Variants in TMOD1 observed in about 807,000 individuals in gnomAD.
TMOD1 encodes the protein tropomodulin-1.
A neutral mutation model predicts 40.6 loss-of-function variants in TMOD1; 17 were observed. The observed-to-expected ratio is 0.42, with a 90% CI of 0.29 to 0.63. The LOEUF (loss-of-function observed/expected upper bound fraction) is 0.63, where lower values mean the gene tolerates loss of function less well. Among genes scored for constraint, TMOD1 ranks in the 20% least tolerant of loss-of-function variants. TMOD1 has a pLI of 0.22. For missense variants in TMOD1, 391 were observed against 447.6 expected, an observed-to-expected ratio of 0.87 and a Z score of 1.14; for synonymous variants, 181 against 175.0, an observed-to-expected ratio of 1.03 and a Z score of -0.27.
intron 8 of TMOD1, among the ~76,000 whole-genome samples, chr9:97,580,012 A>T (rs1825708496): frequency 6.6e-6 from 1 of 152,184 alleles, no homozygotes; most frequent in Non-Finnish European, 1.5e-5. Context: ...TGCCAGAGAT[A>T]AACAGGCCGA....
chr9:97,588,989 C>T (rs149751715), intron 8 of TMOD1, among the ~76,000 whole-genome samples: 2,133 of 151,396 alleles, frequency 0.014, 103 homozygotes, highest in East Asian at 0.13. Context: ...TGGTGGCATG[C>T]GCCTGTAATC....
At chr9:97,568,535 G>A (rs1167415207) in intron 7 of TMOD1, among the ~76,000 whole-genome samples, 1 of 152,162 alleles carries the variant, frequency 6.6e-6, no homozygotes, top group East Asian at 1.9e-4. Flanking sequence ...GAAAGGGAAG[G>A]GAATTCCAGG....
At chr9:97,537,951 A>T in intron 2 of TMOD1, among the ~76,000 whole-genome samples, 1 of 152,208 alleles carries the variant, frequency 6.6e-6, no homozygotes, top group East Asian at 1.9e-4. Context: ...TCTGCCTTGC[A>T]GATATGTTTT....
intron 4 of TMOD1, among the ~76,000 whole-genome samples, chr9:97,561,299 T>C (rs1830637404): frequency 6.6e-6 from 1 of 152,230 alleles, no homozygotes; most frequent in Admixed American, 6.5e-5. Context: ...CTGTAGAATC[T>C]GACCTTGCCT....
chr9:97,518,175 T>C (rs1338309899), intron 1 of TMOD1, among the ~76,000 whole-genome samples: 2 of 152,196 alleles, frequency 1.3e-5, no homozygotes, highest in Non-Finnish European at 2.9e-5. Context: ...GAATGTGACC[T>C]GTGAATGTGA....
intron 1 of TMOD1, chr9:97,516,172 A>G (rs917570090): frequency 6.6e-6 from 1 of 152,132 alleles, no homozygotes; most frequent in African/African-American, 2.4e-5. Flanking sequence ...AGGGGTCTGT[A>G]TCCCTGACTG....
intron 1 of TMOD1, among the ~76,000 whole-genome samples, chr9:97,508,057 T>TCTCACA (rs914990018): frequency 3.0e-5 from 4 of 131,992 alleles, no homozygotes; most frequent in East Asian, 2.3e-4. Flanking sequence ...TCTTCCTGAT[T>TCTCACA]CACACACACA....
At chr9:97,501,970 G>A (rs1829508554) in intron 1 of TMOD1, among the ~76,000 whole-genome samples, 167 bp downstream of exon 1, 1 of 152,132 alleles carries the variant, frequency 6.6e-6, no homozygotes. Flanking sequence ...GTTGCCTCTG[G>A]GGCTAGGGAG....
Position 97,548,787 on chromosome 9 carries a change from T to C in TMOD1, c.277+2446T>C, listed in dbSNP as rs565427098. ...CCATACAGCAACAAGCCCAAAAGGT[T>C]CATCATCATCGTCATCATCATCATC... On this transcript the variant is annotated intron_variant, in intron 3 of 9. Coordinates refer to ENST00000259365, the MANE Select transcript of TMOD1 (RefSeq NM_003275.4). Among the ~76,000 whole-genome samples the C allele has an allele frequency of 5.3e-5, 8 of 152,334 alleles. No homozygotes were observed. In the South Asian group the frequency reaches 1.7e-3, roughly 32 times the overall value.
At chr9:97,584,656 C>G (rs979523753) in intron 8 of TMOD1, among the ~76,000 whole-genome samples, 2 of 152,120 alleles carry the variant, frequency 1.3e-5, no homozygotes, top group African/African-American at 4.8e-5. Flanking sequence ...GTAGGTCACT[C>G]AGGACTTGCT....
chr9:97,595,371 C>T (rs182973973), intron 9 of TMOD1, among the ~76,000 whole-genome samples: 14 of 152,266 alleles, frequency 9.2e-5, no homozygotes, highest in Admixed American at 3.3e-4. Context: ...CATTATCTCC[C>T]CATTCCCCAC....
chr9:97,589,730 A>AC (rs532972596), intron 8 of TMOD1, among the ~76,000 whole-genome samples: 5 of 150,878 alleles, frequency 3.3e-5, no homozygotes, highest in South Asian at 4.2e-4. Flanking sequence ...TCCTGTCTAG[A>AC]CCCCCCCAGT....
At chr9:97,511,188 A>C (rs902066663) in intron 1 of TMOD1, among the ~76,000 whole-genome samples, 1 of 152,164 alleles carries the variant, frequency 6.6e-6, no homozygotes, top group Non-Finnish European at 1.5e-5. Context: ...TCTGGGATGA[A>C]GCTCATAGCA....
chr9:97,510,754 A>C (rs569197263), intron 1 of TMOD1, among the ~76,000 whole-genome samples: 6 of 152,134 alleles, frequency 3.9e-5, no homozygotes, highest in Admixed American at 2.6e-4. Context: ...ATAACTCCCA[A>C]AGAACTCTGA....
intron 1 of TMOD1, among the ~76,000 whole-genome samples, chr9:97,523,169 G>A (rs1829944223): frequency 6.6e-6 from 1 of 152,240 alleles, no homozygotes; most frequent in Admixed American, 6.5e-5. Context: ...GCTCAGATGA[G>A]TTAACAGGTC....
chr9:97,577,851 T>C (rs1825644793), intron 8 of TMOD1, among the ~76,000 whole-genome samples: 1 of 152,168 alleles, frequency 6.6e-6, no homozygotes, highest in South Asian at 2.1e-4. Context: ...CTTAGATTGA[T>C]AGGAAAAAAT....
At chr9:97,563,989 GTGAGCC>G in intron 5 of TMOD1, 43 bp from the exon 6 acceptor site, 1 of 1,577,882 alleles carries the variant, frequency 6.3e-7, no homozygotes, top group Non-Finnish European at 8.6e-7. Context: ...TTGGCAGAAA[GTGAGCC>G]CCTTGTTTCT....
Position 97,524,162 on chromosome 9 carries a change from C to T in TMOD1, c.-27C>T. On this transcript the variant is annotated 5_prime_UTR_variant, in exon 2 of 10. Coordinates refer to ENST00000259365, the MANE Select transcript of TMOD1 (RefSeq NM_003275.4). Reference sequence around the variant, plus strand: ...GTAGGTATTACTCAGCACAGAAATTCAGGAGACACAGACAAGTTCTTCCAC... The same window carrying T: ...GTAGGTATTACTCAGCACAGAAATTTAGGAGACACAGACAAGTTCTTCCAC... The T allele has an allele frequency of 6.2e-7, 1 of 1,610,110 alleles. No individual in the cohort carries two copies. Among genetic ancestry groups the T allele is most frequent in the Non-Finnish European group, 8.5e-7 (1 of 1,178,350 alleles).
In TMOD1 at chr9:97,501,700, C is replaced by G. The variant is rs1342311817; in HGVS notation, c.-152C>G. On this transcript the variant is annotated 5_prime_UTR_variant, in exon 1 of 10. Coordinates refer to ENST00000259365, the MANE Select transcript of TMOD1 (RefSeq NM_003275.4). ...CAGCCCCGCGCTGCGCTCGCCCGCC[C>G]GCTGCCCGCCGGAGCACCGCGGCCT... 4 of 149,798 alleles carry G rather than the reference C, an allele frequency of 2.7e-5. No homozygotes were observed. Among genetic ancestry groups the G allele is most frequent in the African/African-American group, 9.7e-5 (4 of 41,144 alleles). 9.3% of individuals were successfully genotyped at this position (149,798 alleles called of 1,614,324 possible). A position where few individuals can be genotyped will look rare whatever the true frequency, so the allele number is the denominator to read the frequency against.
Sources: gnomAD v4.1 joint callset for allele counts (sites outside exome capture counted in the v4.1 genomes callset) on GRCh38, gnomAD v4.1.1 for gene constraint, MANE v1.5 for transcripts, NCBI Gene and HGNC (gene_info 2026-07-23, HGNC 2026-07-21) for gene names.